The following TENM3 variants were observed in gnomAD, a reference collection of about 807,000 sequenced individuals.
TENM3 encodes the protein teneurin-3.
TENM3 carries 63 observed loss-of-function variants against 255.1 expected under a neutral mutation model. The observed-to-expected ratio is 0.25, with a 90% confidence interval of 0.20 to 0.30. The LOEUF is 0.30. Among genes scored for constraint, TENM3 ranks in the 10% least tolerant of loss-of-function variants. The pLI is 1.00. For missense variants in TENM3, 2,929 were observed against 3,461.1 expected, an observed-to-expected ratio of 0.85 and a Z score of 3.86; for synonymous variants, 1,306 against 1,322.3, an observed-to-expected ratio of 0.99 and a Z score of 0.27.
At chr4:182,460,063 C>G (rs779557293) in intron 3 of TENM3, among the ~76,000 whole-genome samples, 21 of 152,038 alleles carry the variant, frequency 1.4e-4, no homozygotes, top group Non-Finnish European at 2.4e-4. Flanking sequence ...TAAATTCTAA[C>G]GAGGTACCTT....
the TENM3 span, among the ~76,000 whole-genome samples, chr4:181,599,160 C>T: frequency 1.3e-5 from 2 of 152,092 alleles, no homozygotes; most frequent in African/African-American, 2.4e-5. Flanking sequence ...AATATTTCTA[C>T]CAAGTTAAAG....
intron 3 of TENM3, among the ~76,000 whole-genome samples, chr4:182,397,631 C>A (rs1768933228): frequency 6.6e-6 from 1 of 152,078 alleles, no homozygotes; most frequent in South Asian, 2.1e-4. Context: ...GGGGCTACTA[C>A]CGTAACAAGC....
chr4:181,630,597 C>A, the TENM3 span, among the ~76,000 whole-genome samples: 2 of 152,218 alleles, frequency 1.3e-5, no homozygotes, highest in South Asian at 4.1e-4. Flanking sequence ...TCGTTATGTA[C>A]CCAGTAGTCA....
chr4:182,770,322 A>AC lies in TENM3; in HGVS notation c.4893-3146dup, dbSNP rs1275936721. On this transcript the variant is annotated intron_variant, in intron 22 of 27. Coordinates refer to ENST00000511685, the MANE Select transcript of TENM3 (RefSeq NM_001080477.4). ...CCCCCACCTTAGGTTCCTCGTTAAA[A>AC]CCCCGCTTTCTTTAAACCTTCTTCA... 3.3e-5 allele frequency among the ~76,000 whole-genome samples: 5 copies of AC among 151,804 alleles called. No individual in the cohort carries two copies. The East Asian group carries it at 7.8e-4, about 24-fold the overall frequency.
chr4:181,485,193 C>T, the TENM3 span, among the ~76,000 whole-genome samples: 7 of 152,176 alleles, frequency 4.6e-5, no homozygotes, highest in East Asian at 3.9e-4. Flanking sequence ...TCAAAATAAA[C>T]GTAAATCAAA....
intron 1 of TENM3, among the ~76,000 whole-genome samples, chr4:182,170,733 T>C (rs1434926547): frequency 6.6e-6 from 1 of 152,212 alleles, no homozygotes; most frequent in Non-Finnish European, 1.5e-5. Context: ...ACAAAGCTCC[T>C]GTAAGATTTA....
the TENM3 span, among the ~76,000 whole-genome samples, chr4:181,658,571 G>T: frequency 2.0e-5 from 3 of 152,110 alleles, no homozygotes; most frequent in Admixed American, 2.0e-4. Flanking sequence ...AATTTTATTT[G>T]CTGCATACAA....
intron 3 of TENM3, among the ~76,000 whole-genome samples, chr4:182,502,786 A>G (rs1338634639): frequency 2.0e-5 from 3 of 151,948 alleles, no homozygotes; most frequent in East Asian, 3.9e-4. Context: ...CATATGTCAG[A>G]TGATCCTTGG....
At chr4:182,739,141 G>A (rs1283561839) in intron 18 of TENM3, among the ~76,000 whole-genome samples, 2 of 151,778 alleles carry the variant, frequency 1.3e-5, no homozygotes, top group East Asian at 3.9e-4. Flanking sequence ...AATATTAGGG[G>A]AAAAAATGAA....
the TENM3 span, among the ~76,000 whole-genome samples, chr4:181,595,231 G>T: frequency 6.6e-6 from 1 of 152,054 alleles, no homozygotes; most frequent in African/African-American, 2.4e-5. Context: ...AGGAGTTCGA[G>T]ATCAGCCTGG....
At chr4:181,799,571 T>G in the TENM3 span, among the ~76,000 whole-genome samples, 1 of 152,198 alleles carries the variant, frequency 6.6e-6, no homozygotes, top group Non-Finnish European at 1.5e-5. Context: ...TTTTATAAAA[T>G]ATACCAGAAA....
the TENM3 span, among the ~76,000 whole-genome samples, chr4:181,999,039 G>T: frequency 6.6e-6 from 1 of 152,180 alleles, no homozygotes. Context: ...GTGGTTGAGT[G>T]CTAGTCGCTA....
chr4:181,464,822 A>G, the TENM3 span, among the ~76,000 whole-genome samples: 1 of 152,096 alleles, frequency 6.6e-6, no homozygotes, highest in Non-Finnish European at 1.5e-5. Flanking sequence ...ATGGTGGCTC[A>G]TGCCTGTAAT....
At chr4:182,512,068 C>G (rs555422183) in intron 3 of TENM3, among the ~76,000 whole-genome samples, 2 of 152,304 alleles carry the variant, frequency 1.3e-5, no homozygotes, top group African/African-American at 4.8e-5. Context: ...ACCAGGAACT[C>G]TCATCTCCTG....
chr4:181,456,309 T>G, the TENM3 span, among the ~76,000 whole-genome samples: 1 of 151,830 alleles, frequency 6.6e-6, no homozygotes, highest in Admixed American at 6.6e-5. Context: ...CCTCAATTTA[T>G]CCTTCGATTG....
the TENM3 span, among the ~76,000 whole-genome samples, chr4:181,760,702 T>A: frequency 1.3e-5 from 2 of 152,030 alleles, no homozygotes; most frequent in South Asian, 2.1e-4. Flanking sequence ...CTAGCTGTTA[T>A]TCCCTTGTGA....
intron 1 of TENM3, among the ~76,000 whole-genome samples, chr4:182,245,540 C>G (rs1292793428): frequency 1.3e-5 from 2 of 152,186 alleles, no homozygotes; most frequent in Non-Finnish European, 2.9e-5. Flanking sequence ...AAGGCAGCGT[C>G]GTGGCCCAGT....
the TENM3 span, among the ~76,000 whole-genome samples, chr4:181,828,624 C>T: frequency 6.6e-6 from 1 of 151,938 alleles, no homozygotes; most frequent in African/African-American, 2.4e-5. Flanking sequence ...CACTCTGTTG[C>T]CCAGGCACTG....
chr4:182,390,214 T>C (rs928583719), intron 3 of TENM3, among the ~76,000 whole-genome samples: 1 of 152,182 alleles, frequency 6.6e-6, no homozygotes, highest in Admixed American at 6.5e-5. Flanking sequence ...CAGATCCGTT[T>C]GCATTTGACA....
Sources: allele counts gnomAD v4.1 joint callset (sites outside exome capture counted in the v4.1 genomes callset), GRCh38; gene constraint gnomAD v4.1.1; transcripts MANE v1.5; gene names NCBI Gene and HGNC (gene_info 2026-07-23, HGNC 2026-07-21).